The following NEB variants were observed in gnomAD, a reference collection of about 807,000 sequenced individuals.
NEB encodes nemaline myopathy type 2.
Under a neutral mutation model 952.2 loss-of-function variants are expected in NEB, and 512 were observed. The observed-to-expected ratio is 0.54, with a 90% CI of 0.50 to 0.58. The LOEUF (loss-of-function observed/expected upper bound fraction) is 0.58, where lower values mean the gene tolerates loss of function less well. Ranked by LOEUF, NEB falls within the 20% of genes least tolerant of loss-of-function variation. NEB has a pLI of 0.00. For synonymous variants in NEB, 2,900 were observed against 3,149.8 expected, an observed-to-expected ratio of 0.92 and a Z score of 2.66; for missense variants, 8,428 against 9,231.1, an observed-to-expected ratio of 0.91 and a Z score of 3.56.
chr2:151,611,905 G>C (rs182236248), intron 78 of NEB, among the ~76,000 whole-genome samples: 1 of 152,326 alleles, frequency 6.6e-6, no homozygotes, highest in East Asian at 1.9e-4. Flanking sequence ...GTGAGGAAGG[G>C]TAATGCAATT....
chr2:151,616,911 G>A (rs1000882396), intron 75 of NEB, among the ~76,000 whole-genome samples: 1 of 152,164 alleles, frequency 6.6e-6, no homozygotes, highest in Non-Finnish European at 1.5e-5. Context: ...TGGGATTTCA[G>A]GATCATTGCC....
chr2:151,498,369 C>G lies in NEB; in HGVS notation c.24115-17G>C, dbSNP rs1450994315. The G allele has an allele frequency of 6.6e-7, 1 of 1,509,982 alleles. No individual in the cohort carries two copies. Among genetic ancestry groups the G allele is most frequent in the Non-Finnish European group, 9.0e-7 (1 of 1,116,056 alleles). The allele number at this position is 1,509,982 out of a possible 1,614,324, so 93.5% of individuals were successfully genotyped here. On this transcript the variant is annotated splice_polypyrimidine_tract_variant and intron_variant, in intron 169 of 181. Coordinates refer to ENST00000397345, the MANE Select transcript of NEB (RefSeq NM_001164508.2). ...GTATAGCACCTGTATGATGAGAAAG[C>G]ATCCAGAACAAAAAAAGCAATCAAT...
At chr2:151,619,851 T>A in intron 72 of NEB, 89 bp from the exon 73 acceptor site, 1 of 1,383,968 alleles carries the variant, frequency 7.2e-7, no homozygotes, top group Non-Finnish European at 9.8e-7. Context: ...ATGAAATCTT[T>A]AAGGCAACAG....
chr2:151,610,608 C>G lies in NEB; in HGVS notation c.11926G>C (p.Gly3976Arg). The change falls in exon 80 of 182, where the codon GGA becomes CGA. Residue 3976 changes from glycine to arginine, a missense_variant. This residue lies in a region of NEB where 337 missense variants were observed against 297.5 expected (regional missense o/e 1.13). Transcript: ENST00000397345. ...ANISQKLYTK[G>R]WDESKMKDYD... is the part of the protein sequence containing the mutation. Reference sequence around the variant, plus strand: ...TCCTTCATCTTTGATTCATCCCATCCCTTGGTGTAAAGTTTCTAGGGAAGG... The same window carrying G: ...TCCTTCATCTTTGATTCATCCCATCGCTTGGTGTAAAGTTTCTAGGGAAGG... 1 of 1,613,146 alleles carries G rather than the reference C, an allele frequency of 6.2e-7. No individual in the cohort carries two copies. Among genetic ancestry groups the G allele is most frequent in the Non-Finnish European group, 8.5e-7 (1 of 1,179,162 alleles).
At chr2:151,492,853 A>G (rs1464261084) in intron 176 of NEB, 2 of 187,130 alleles carry the variant, frequency 1.1e-5, no homozygotes, top group Admixed American at 5.7e-5. Context: ...ACTGTCCTTT[A>G]AAACAAGTGA....
intron 20 of NEB, among the ~76,000 whole-genome samples, chr2:151,693,884 C>T (rs2099576394): frequency 1.3e-5 from 2 of 151,974 alleles, no homozygotes; most frequent in Admixed American, 6.6e-5. Flanking sequence ...GAGTTTATGC[C>T]TTATGTAGTT....
In NEB at chr2:151,568,410, T is replaced by C. The variant is rs377137664; in HGVS notation, c.17642A>G (p.Tyr5881Cys). ...TTTGGTGGCATTCCAGTCTTTCCGGTATTTAATCTAAAAAAAAAAAAATGA... is the reference window on the plus strand; with the variant it reads ...TTTGGTGGCATTCCAGTCTTTCCGGCATTTAATCTAAAAAAAAAAAAATGA... ...QSGEILDDIK[Y>C]RKDWNATKSK... The change falls in exon 112 of 182, where the codon TAC (tyrosine) becomes TGC (cysteine). Residue 5881 changes from tyrosine (Y) to cysteine (C), a missense_variant. Tyr to Cys is a radical substitution (Grantham distance 194). This residue lies in a region of NEB where 3,374 missense variants were observed against 3,651.5 expected (regional missense o/e 0.92). Coordinates refer to ENST00000397345, the MANE Select transcript of NEB (RefSeq NM_001164508.2). 3.2e-6 allele frequency: 5 copies of C among 1,562,354 alleles called. No homozygotes were observed. The highest frequency in any genetic ancestry group is 1.1e-5 in the South Asian group (1 of 89,636).
At chr2:151,664,969 T>C (rs1428272284) in intron 42 of NEB, 106 bp from the exon 43 acceptor site, 2 of 791,038 alleles carry the variant, frequency 2.5e-6, no homozygotes, top group African/African-American at 3.5e-5. Flanking sequence ...GTTAAATGGA[T>C]ATTAGAAAAT....
chr2:151,654,967 G>A (rs1451698662), intron 51 of NEB, among the ~76,000 whole-genome samples: 1 of 152,140 alleles, frequency 6.6e-6, no homozygotes. Flanking sequence ...GACTACAGGT[G>A]CATGTCATCA....
At chr2:151,498,195 TAAATG>T (rs2061642877) in intron 170 of NEB, 60 bp downstream of exon 170, 1 of 1,548,500 alleles carries the variant, frequency 6.5e-7, no homozygotes, top group Non-Finnish European at 8.7e-7. Context: ...CAAAAATAAA[TAAATG>T]TAAAGATCAG....
In NEB at chr2:151,553,957, C is replaced by T. The variant is rs1393817126; in HGVS notation, c.19497G>A (p.Met6499Ile). 3 of 1,613,728 alleles carry T rather than the reference C, an allele frequency of 1.9e-6. No individual in the cohort carries two copies. The highest frequency in any genetic ancestry group is 1.7e-5 in the Admixed American group (1 of 59,998). Residue 6499 changes from methionine (M) to isoleucine (I), a missense_variant, in exon 126 of 182, where the codon ATG becomes ATA. Met to Ile is a conservative substitution (Grantham distance 10). This residue lies in a region of NEB where 3,374 missense variants were observed against 3,651.5 expected (regional missense o/e 0.92). Transcript: ENST00000397345. ...TCTTCTGGGAATCCTTGGCAGTAACCATCTCTACCATGTCGGGCACGATGT... is the reference window on the plus strand; with the variant it reads ...TCTTCTGGGAATCCTTGGCAGTAACTATCTCTACCATGTCGGGCACGATGT... ...KIHIVPDMVE[M>I]VTAKDSQKKV...
chr2:151,491,512 T>C (rs1444036330), intron 179 of NEB, 171 bp downstream of exon 179: 8 of 562,530 alleles, frequency 1.4e-5, no homozygotes, highest in South Asian at 4.5e-5. Flanking sequence ...CTTGAACTTA[T>C]CTAGAAAGTA....
intron 28 of NEB, 24 bp downstream of exon 28, chr2:151,684,754 G>T: frequency 6.6e-7 from 1 of 1,526,058 alleles, no homozygotes; most frequent in Non-Finnish European, 8.8e-7. Flanking sequence ...TAAAAGAGGG[G>T]CTACAGAAAC....
intron 68 of NEB, among the ~76,000 whole-genome samples, chr2:151,629,229 C>T (rs1228141817): frequency 6.6e-6 from 1 of 152,066 alleles, no homozygotes; most frequent in African/African-American, 2.4e-5. Flanking sequence ...TTCTGTGAGG[C>T]TCTATGCTCA....
chr2:151,667,832 G>A lies in NEB; in HGVS notation c.4691C>T (p.Ala1564Val). Residue 1564 changes from alanine (A) to valine (V), a missense_variant, in exon 40 of 182, where the codon GCA (alanine) becomes GTA (valine). By Grantham distance (64) the Ala-to-Val change is moderately conservative (BLOSUM62 0). Around this residue, in one of 11 missense-constraint regions of NEB, gnomAD observed 2,851 missense variants for 2,791.5 expected, o/e 1.02. Transcript: ENST00000397345. ...ACTAGCAATATTCCTTGAACTTTTT[G>A]CAGCAACAATTGGGATGGCATCTGG... ...LRPDAIPIVA[A>V]KSSRNIASDC... 3.1e-6 allele frequency: 5 copies of A among 1,612,236 alleles called. No individual in the cohort carries two copies. The highest frequency in any genetic ancestry group is 4.2e-6 in the Non-Finnish European group (5 of 1,178,750).
At chr2:151,527,654 C>T in intron 146 of NEB, 69 bp from the exon 147 acceptor site, 2 of 1,082,630 alleles carry the variant, frequency 1.8e-6, no homozygotes, top group South Asian at 1.4e-5. Flanking sequence ...ACACATGGCA[C>T]AGAGGGGCTC....
At chr2:151,562,892 T>A in intron 119 of NEB, 84 bp from the exon 120 acceptor site, 1 of 832,244 alleles carries the variant, frequency 1.2e-6, no homozygotes, top group Non-Finnish European at 1.9e-6. Context: ...TTATTTCCCA[T>A]ATAGATCAGT....
At chr2:151,700,900 TGTTGAATAGGA>T (rs1344514233) in intron 13 of NEB, among the ~76,000 whole-genome samples, 1 of 58,262 alleles carries the variant, frequency 1.7e-5, no homozygotes, top group African/African-American at 3.9e-5. Flanking sequence ...TCCAACACTA[TGTTGAATAGGA>T]GTGGTGAGAG....
In NEB at chr2:151,593,062, G is replaced by T; in HGVS notation, c.14675C>A (p.Thr4892Asn). 9.9e-6 allele frequency: 1 copy of T among 101,430 alleles called. No individual in the cohort carries two copies. The highest frequency in any genetic ancestry group is 6.6e-5 in the South Asian group (1 of 15,186). 6.3% of individuals were successfully genotyped at this position (101,430 alleles called of 1,614,324 possible). ...EALKFTSIVD[T>N]PEVIQAKINA... ...GATCTTTGCCTGGATTACTTCCGGG[G>T]TGTCAACAATGCTGGTGAATTTGAG... The change falls in exon 94 of 182, where the codon ACC becomes AAC. Residue 4892 changes from threonine (T) to asparagine (N), a missense_variant. Thr to Asn is a moderately conservative substitution (Grantham distance 65). Coordinates refer to ENST00000397345, the MANE Select transcript of NEB (RefSeq NM_001164508.2).
Sources: gnomAD v4.1 joint callset for allele counts (sites outside exome capture counted in the v4.1 genomes callset) on GRCh38, gnomAD v4.1.1 for gene constraint, gnomAD v4.1.1 regional missense constraint, MANE v1.5 for transcripts, NCBI Gene and HGNC (gene_info 2026-07-23, HGNC 2026-07-21) for gene names.